Variants in CTIF observed in about 807,000 individuals in gnomAD.
The protein encoded by CTIF is cap binding complex dependent translation initiation factor.
CTIF carries 21 observed loss-of-function variants against 66.0 expected under a neutral mutation model. That is an observed-to-expected ratio of 0.32 (90% CI 0.23 to 0.46). The LOEUF (loss-of-function observed/expected upper bound fraction) is 0.46, where lower values mean the gene tolerates loss of function less well. Ranked by LOEUF, CTIF falls within the 20% of genes least tolerant of loss-of-function variation. CTIF has a pLI of 1.00. For synonymous variants in CTIF, 345 were observed against 326.4 expected, an observed-to-expected ratio of 1.06 and a Z score of -0.62; for missense variants, 739 against 812.7, an observed-to-expected ratio of 0.91 and a Z score of 1.10.
chr18:48,737,046 C>T (rs2092509549), intron 7 of CTIF, among the ~76,000 whole-genome samples: 1 of 152,144 alleles, frequency 6.6e-6, no homozygotes, highest in African/African-American at 2.4e-5. Context: ...CCATGTCACC[C>T]AGCAGTCCTG....
At chr18:48,659,928 A>G (rs1163490759) in intron 3 of CTIF, among the ~76,000 whole-genome samples, 2 of 152,064 alleles carry the variant, frequency 1.3e-5, no homozygotes, top group African/African-American at 4.8e-5. Flanking sequence ...GATGTCGTTC[A>G]GGGATATGTT....
At chr18:48,566,003 G>T (rs1178094442) in intron 1 of CTIF, 3 of 152,198 alleles carry the variant, frequency 2.0e-5, no homozygotes, top group Non-Finnish European at 4.4e-5. Context: ...CTGAGCTGAT[G>T]ATAGTTTGCA....
intron 9 of CTIF, among the ~76,000 whole-genome samples, chr18:48,783,478 T>C (rs1370052899): frequency 6.6e-6 from 1 of 152,166 alleles, no homozygotes; most frequent in African/African-American, 2.4e-5. Context: ...ATCTTGGAGC[T>C]CAGGACTCTG....
chr18:48,813,480 A>G (rs2068302361), intron 9 of CTIF, among the ~76,000 whole-genome samples: 1 of 152,196 alleles, frequency 6.6e-6, no homozygotes, highest in African/African-American at 2.4e-5. Context: ...TCAATCCTGA[A>G]TGAGATCACC....
chr18:48,551,251 G>C (rs909918587), intron 1 of CTIF, among the ~76,000 whole-genome samples: 1 of 151,766 alleles, frequency 6.6e-6, no homozygotes, highest in Non-Finnish European at 1.5e-5. Context: ...GAAGAAGCCA[G>C]CCCTGCCAAC....
At chr18:48,790,827 G>C (rs972155031) in intron 9 of CTIF, among the ~76,000 whole-genome samples, 7 of 152,162 alleles carry the variant, frequency 4.6e-5, no homozygotes, top group African/African-American at 1.4e-4. Context: ...AGGCCACCTC[G>C]TGCTGGGGAA....
chr18:48,656,659 G>C (rs1209475718), intron 3 of CTIF, among the ~76,000 whole-genome samples: 1 of 152,186 alleles, frequency 6.6e-6, no homozygotes, highest in Non-Finnish European at 1.5e-5. Flanking sequence ...CCAGCAGTAT[G>C]GTGCACCCTG....
chr18:48,858,777 C>T (rs1183888541), intron 11 of CTIF, among the ~76,000 whole-genome samples: 2 of 152,162 alleles, frequency 1.3e-5, no homozygotes. Flanking sequence ...CTCTCCCCCA[C>T]TTCCTGTCAC....
Position 48,803,109 on chromosome 18 carries a change from C to T in CTIF, c.1372-14112C>T, listed in dbSNP as rs957239845. Among the ~76,000 whole-genome samples, 7 of 152,372 alleles carry T rather than the reference C, an allele frequency of 4.6e-5. No individual in the cohort carries two copies. The South Asian group carries it at 8.3e-4, about 18-fold the overall frequency. ...CCCCCCGCCTCCCTGTCCCCTCCTA[C>T]GGATCAGCAGAGCTGAGCCTACCTG... On this transcript the variant is annotated intron_variant, in intron 9 of 11. Transcript: ENST00000256413.
intron 7 of CTIF, among the ~76,000 whole-genome samples, chr18:48,748,817 G>A (rs1907506412): frequency 6.6e-6 from 1 of 152,224 alleles, no homozygotes; most frequent in Non-Finnish European, 1.5e-5. Context: ...GTGAGGTATA[G>A]GGCACTGCAG....
chr18:48,818,039 G>T (rs974366930), intron 10 of CTIF, among the ~76,000 whole-genome samples: 1 of 152,206 alleles, frequency 6.6e-6, no homozygotes, highest in Non-Finnish European at 1.5e-5. Flanking sequence ...TTTATTCTAT[G>T]AAAACATATT....
intron 3 of CTIF, among the ~76,000 whole-genome samples, chr18:48,636,914 C>T (rs142151107): frequency 6.6e-6 from 1 of 152,104 alleles, no homozygotes; most frequent in African/African-American, 2.4e-5. Flanking sequence ...TTAGTAGCTG[C>T]GTTCTATATA....
chr18:48,571,668 A>G (rs2089418553), intron 1 of CTIF, among the ~76,000 whole-genome samples: 1 of 152,104 alleles, frequency 6.6e-6, no homozygotes, highest in Non-Finnish European at 1.5e-5. Flanking sequence ...ATAATATTCT[A>G]TAGTATGGCT....
chr18:48,696,449 G>C (rs771459897), intron 6 of CTIF, among the ~76,000 whole-genome samples: 104 of 152,224 alleles, frequency 6.8e-4, no homozygotes, highest in African/African-American at 1.9e-3. Flanking sequence ...TGGTCTCACC[G>C]TCCCGGCCTG....
intron 2 of CTIF, among the ~76,000 whole-genome samples, chr18:48,620,863 CTT>C (rs1027990775): frequency 6.6e-6 from 1 of 152,134 alleles, no homozygotes; most frequent in African/African-American, 2.4e-5. Context: ...CCAGAACAAA[CTT>C]TTGGCTTTGC....
chr18:48,681,881 G>A (rs1239840608), intron 6 of CTIF, among the ~76,000 whole-genome samples: 1 of 152,100 alleles, frequency 6.6e-6, no homozygotes, highest in Non-Finnish European at 1.5e-5. Context: ...CGCCTCCCAG[G>A]TTCAAGCAAT....
intron 9 of CTIF, among the ~76,000 whole-genome samples, chr18:48,777,168 G>A (rs761274489): frequency 1.3e-5 from 2 of 152,216 alleles, no homozygotes; most frequent in Admixed American, 6.5e-5. Flanking sequence ...CTTCCCACCC[G>A]CCTGGCCCCA....
At chr18:48,644,910 T>A (rs899683214) in intron 3 of CTIF, among the ~76,000 whole-genome samples, 1 of 152,194 alleles carries the variant, frequency 6.6e-6, no homozygotes, top group African/African-American at 2.4e-5. Context: ...CAACTTACTA[T>A]TGGATCCAAA....
chr18:48,575,317 C>T (rs938545575), intron 1 of CTIF, among the ~76,000 whole-genome samples: 3 of 152,236 alleles, frequency 2.0e-5, no homozygotes, highest in Non-Finnish European at 2.9e-5. Flanking sequence ...GGCAACACGG[C>T]CGAGTAACAG....
Sources: gnomAD v4.1 joint callset for allele counts (sites outside exome capture counted in the v4.1 genomes callset) on GRCh38, gnomAD v4.1.1 for gene constraint, MANE v1.5 for transcripts, NCBI Gene and HGNC (gene_info 2026-07-23, HGNC 2026-07-21) for gene names.